The following GPHN variants were observed in gnomAD, a reference collection of about 807,000 sequenced individuals.
GPHN encodes the protein gephyrin.
In GPHN, 17 loss-of-function variants were observed where a neutral mutation model predicts 95.5. The observed-to-expected ratio is 0.18, with a 90% CI of 0.12 to 0.27. GPHN has a LOEUF of 0.27. Among genes scored for constraint, GPHN ranks in the 10% least tolerant of loss-of-function variants. The probability of loss-of-function intolerance (pLI) is 1.00; values close to 1 mark genes in which losing one functional copy is unlikely to be tolerated. For missense variants in GPHN, 660 were observed against 978.1 expected, an observed-to-expected ratio of 0.67 and a Z score of 4.34; for synonymous variants, 320 against 322.5, an observed-to-expected ratio of 0.99 and a Z score of 0.08.
At chr14:66,910,133 G>A (rs980508239) in intron 5 of GPHN, among the ~76,000 whole-genome samples, 3 of 151,856 alleles carry the variant, frequency 2.0e-5, no homozygotes, top group Non-Finnish European at 4.4e-5. Context: ...TAATTTTGGG[G>A]CACCCTGCAC....
chr14:67,575,074 G>A, the GPHN span, among the ~76,000 whole-genome samples: 5 of 144,096 alleles, frequency 3.5e-5, no homozygotes, highest in East Asian at 7.1e-4. Flanking sequence ...CCTCCCTCCC[G>A]GCACCCTGAC....
intron 4 of GPHN, among the ~76,000 whole-genome samples, chr14:66,875,233 G>A (rs1009878953): frequency 5.3e-5 from 8 of 152,186 alleles, no homozygotes; most frequent in African/African-American, 9.7e-5. Flanking sequence ...CACCAGGCCT[G>A]CCTTACAAGA....
chr14:67,559,551 G>C, the GPHN span: 13 of 1,256,522 alleles, frequency 1.0e-5, no homozygotes, highest in Non-Finnish European at 1.5e-5. Flanking sequence ...CCCACCTCCA[G>C]TCAGTCACTC....
chr14:67,713,173 C>G, the GPHN span, among the ~76,000 whole-genome samples: 42 of 151,944 alleles, frequency 2.8e-4, no homozygotes, highest in South Asian at 8.7e-3. Flanking sequence ...GACAAAACCT[C>G]AATTCAGCTA....
chr14:66,743,347 T>C (rs542585994), intron 2 of GPHN, among the ~76,000 whole-genome samples: 2 of 152,252 alleles, frequency 1.3e-5, no homozygotes, highest in Admixed American at 1.3e-4. Flanking sequence ...ACATATTCAA[T>C]TTTATTTTCT....
chr14:66,872,795 T>C (rs1180238157), intron 4 of GPHN, among the ~76,000 whole-genome samples: 2 of 150,464 alleles, frequency 1.3e-5, no homozygotes, highest in Non-Finnish European at 2.9e-5. Flanking sequence ...CTCGGAAGGC[T>C]GAGGTAGGAG....
chr14:66,778,276 A>T (rs2059461350), intron 3 of GPHN, among the ~76,000 whole-genome samples: 1 of 152,242 alleles, frequency 6.6e-6, no homozygotes, highest in Admixed American at 6.5e-5. Flanking sequence ...AGGGACATGA[A>T]GGACCTCTTC....
At chr14:67,435,669 G>A in the GPHN span, among the ~76,000 whole-genome samples, 2 of 152,204 alleles carry the variant, frequency 1.3e-5, no homozygotes, top group South Asian at 2.1e-4. Flanking sequence ...TCTCCAGAAC[G>A]CTTGCCTCAA....
intron 9 of GPHN, among the ~76,000 whole-genome samples, chr14:66,999,220 G>A (rs2072045198): frequency 1.3e-5 from 2 of 151,776 alleles, no homozygotes; most frequent in African/African-American, 4.8e-5. Context: ...TGTTCAGGTT[G>A]ATTATATAGT....
chr14:67,387,558 A>C, the GPHN span: 3 of 1,164,170 alleles, frequency 2.6e-6, no homozygotes, highest in African/African-American at 3.2e-5. Context: ...AAAAACATAC[A>C]ATGATGTATT....
chr14:67,011,587 A>G (rs1013213200), intron 9 of GPHN, among the ~76,000 whole-genome samples: 3 of 137,444 alleles, frequency 2.2e-5, no homozygotes, highest in Non-Finnish European at 3.4e-5. Flanking sequence ...AAAAAAAAAA[A>G]AAAAAAAAAG....
At chr14:67,720,687 C>T in the GPHN span, 1 of 152,344 alleles carries the variant, frequency 6.6e-6, no homozygotes, top group Middle Eastern at 3.4e-3. Context: ...TGCCTATTCA[C>T]CTACCTGTAC....
At chr14:67,456,876 C>T in the GPHN span, among the ~76,000 whole-genome samples, 1 of 152,142 alleles carries the variant, frequency 6.6e-6, no homozygotes, top group African/African-American at 2.4e-5. Context: ...ATGGAATCAA[C>T]CTAAATGCTC....
intron 1 of GPHN, among the ~76,000 whole-genome samples, chr14:66,663,283 G>A (rs189556800): frequency 1.8e-4 from 27 of 152,232 alleles, no homozygotes; most frequent in Admixed American, 1.4e-3. Context: ...ACCTCTCAGC[G>A]GAAACCCTAC....
chr14:67,254,512 G>A, the GPHN span, among the ~76,000 whole-genome samples: 1 of 152,066 alleles, frequency 6.6e-6, no homozygotes. Context: ...CTCTAAACCT[G>A]TTGACATTTG....
rs900473962 is a variant in GPHN at position 66,642,564 on chromosome 14, T to TTTG, written c.65-38541_65-38540insGTT. On this transcript the variant is annotated intron_variant, in intron 1 of 22. Coordinates refer to ENST00000478722, the MANE Select transcript of GPHN (RefSeq NM_020806.5). ...AGGCAGACATTTTGATTTTTGTTTT[T>TTTG]TTTTTTTTTGAAACTGGGAGTAGAA... is the stretch of plus-strand genomic sequence containing the variant. 1.3e-4 allele frequency among the ~76,000 whole-genome samples: 19 copies of TTTG among 151,814 alleles called. 2 individuals are homozygous for TTTG. In the South Asian group the frequency reaches 2.3e-3, roughly 18 times the overall value.
chr14:66,699,399 G>C (rs1205113848), intron 2 of GPHN, among the ~76,000 whole-genome samples: 1 of 151,530 alleles, frequency 6.6e-6, no homozygotes, highest in Non-Finnish European at 1.5e-5. Context: ...AATAATAAAA[G>C]GTAAGTGATG....
At chr14:67,265,089 A>G in the GPHN span, among the ~76,000 whole-genome samples, 2 of 152,230 alleles carry the variant, frequency 1.3e-5, no homozygotes, top group Non-Finnish European at 2.9e-5. Flanking sequence ...TTTGTCTGGT[A>G]TAGTATATTC....
chr14:66,870,501 T>A (rs1567041489), intron 4 of GPHN, among the ~76,000 whole-genome samples: 1 of 152,164 alleles, frequency 6.6e-6, no homozygotes, highest in Non-Finnish European at 1.5e-5. Context: ...GTTGATTGAA[T>A]CCACAGATGT....
Sources: gnomAD v4.1 joint callset for allele counts (sites outside exome capture counted in the v4.1 genomes callset) on GRCh38, gnomAD v4.1.1 for gene constraint, MANE v1.5 for transcripts, NCBI Gene and HGNC (gene_info 2026-07-23, HGNC 2026-07-21) for gene names.